Variants in MPPED2 observed in about 807,000 individuals in gnomAD.
MPPED2 encodes metallophosphoesterase domain containing 2.
In MPPED2, 5 loss-of-function variants were observed where a neutral mutation model predicts 33.0. The ratio of observed to expected loss-of-function variants is 0.15; its 90% CI spans 0.08 to 0.32. MPPED2 has a LOEUF of 0.32. Among genes scored for constraint, MPPED2 ranks in the 10% least tolerant of loss-of-function variants. MPPED2 has a pLI of 1.00. For missense variants in MPPED2, 275 were observed against 372.1 expected (o/e 0.74, Z 2.15); for synonymous variants, 136 against 141.9 (o/e 0.96, Z 0.29).
At chr11:30,452,018 CT>C in intron 4 of MPPED2, 6 of 985,438 alleles carry the variant, frequency 6.1e-6, no homozygotes, top group Non-Finnish European at 7.2e-6. Flanking sequence ...TTTCCTGCCT[CT>C]TCTCATTTTG....
intron 3 of MPPED2, among the ~76,000 whole-genome samples, chr11:30,525,727 C>T (rs2134408232): frequency 6.6e-6 from 1 of 152,230 alleles, no homozygotes; most frequent in East Asian, 1.9e-4. Context: ...ATACTATCTG[C>T]CCATATCAAC....
At chr11:30,424,363 G>A (rs1948740419) in intron 4 of MPPED2, among the ~76,000 whole-genome samples, 2 of 152,168 alleles carry the variant, frequency 1.3e-5, no homozygotes, top group African/African-American at 4.8e-5. Context: ...CTAAATGGTA[G>A]CCCTTCTGAA....
At chr11:30,478,781 C>T (rs1371494311) in intron 4 of MPPED2, among the ~76,000 whole-genome samples, 1 of 152,110 alleles carries the variant, frequency 6.6e-6, no homozygotes, top group Non-Finnish European at 1.5e-5. Context: ...TTAGGCATGT[C>T]TTAGACACGT....
chr11:30,491,615 G>T (rs747873375), intron 4 of MPPED2, among the ~76,000 whole-genome samples: 5 of 152,178 alleles, frequency 3.3e-5, no homozygotes, highest in African/African-American at 7.2e-5. Flanking sequence ...AAACCGTAAT[G>T]TTTTCTCCCA....
intron 2 of MPPED2, among the ~76,000 whole-genome samples, chr11:30,555,484 G>A (rs934015441): frequency 3.9e-5 from 6 of 152,058 alleles, no homozygotes; most frequent in African/African-American, 1.2e-4. Flanking sequence ...ATCTTTAATC[G>A]TAGCTCCCAT....
chr11:30,563,001 A>G (rs886464082), intron 2 of MPPED2, among the ~76,000 whole-genome samples: 1 of 152,164 alleles, frequency 6.6e-6, no homozygotes, highest in African/African-American at 2.4e-5. Flanking sequence ...TAATTTGTTC[A>G]TCAATAATTA....
chr11:30,500,057 A>G (rs1037307757), intron 3 of MPPED2, among the ~76,000 whole-genome samples: 1 of 152,138 alleles, frequency 6.6e-6, no homozygotes, highest in African/African-American at 2.4e-5. Context: ...GGGCCACTAT[A>G]TTAATAGATT....
intron 4 of MPPED2, among the ~76,000 whole-genome samples, chr11:30,494,131 G>C (rs1022105158): frequency 6.6e-6 from 1 of 152,190 alleles, no homozygotes; most frequent in African/African-American, 2.4e-5. Flanking sequence ...CAGAGTCTCT[G>C]GAGGAAGGGC....
chr11:30,461,306 C>T (rs774451002), intron 4 of MPPED2, among the ~76,000 whole-genome samples: 3 of 151,996 alleles, frequency 2.0e-5, no homozygotes, highest in Non-Finnish European at 2.9e-5. Context: ...GATGGTTGCA[C>T]AACAATGTGA....
chr11:30,510,817 C>T (rs566692464), intron 3 of MPPED2, among the ~76,000 whole-genome samples: 21 of 152,302 alleles, frequency 1.4e-4, no homozygotes, highest in African/African-American at 4.6e-4. Flanking sequence ...TAACTTAATT[C>T]TCCAAAACTG....
chr11:30,502,526 T>C (rs915111184), intron 3 of MPPED2, among the ~76,000 whole-genome samples: 1 of 152,196 alleles, frequency 6.6e-6, no homozygotes, highest in Non-Finnish European at 1.5e-5. Flanking sequence ...CAATTTCTTA[T>C]CTACAGGCTC....
At chr11:30,529,533 G>A (rs1434569763) in intron 3 of MPPED2, among the ~76,000 whole-genome samples, 1 of 152,092 alleles carries the variant, frequency 6.6e-6, no homozygotes, top group African/African-American at 2.4e-5. Context: ...TTGTGTGTGT[G>A]TGTGTGTGTG....
chr11:30,459,467 A>C (rs1188768612), intron 4 of MPPED2, among the ~76,000 whole-genome samples: 1 of 152,178 alleles, frequency 6.6e-6, no homozygotes, highest in Admixed American at 6.5e-5. Flanking sequence ...AACCTAAACT[A>C]TGGCTTTTGA....
intron 4 of MPPED2, among the ~76,000 whole-genome samples, chr11:30,420,650 T>A (rs1206333819): frequency 6.6e-6 from 1 of 152,160 alleles, no homozygotes; most frequent in Non-Finnish European, 1.5e-5. Flanking sequence ...GCAGTGCTTT[T>A]AGAGAGGAGA....
At chr11:30,436,345 C>T (rs772980352) in intron 4 of MPPED2, among the ~76,000 whole-genome samples, 7 of 152,118 alleles carry the variant, frequency 4.6e-5, no homozygotes, top group Non-Finnish European at 1.0e-4. Context: ...GAAGCCACTC[C>T]AAGGTTCTGT....
intron 4 of MPPED2, among the ~76,000 whole-genome samples, chr11:30,418,089 TC>T (rs1426295414): frequency 2.0e-5 from 3 of 152,152 alleles, no homozygotes; most frequent in Non-Finnish European, 2.9e-5. Flanking sequence ...AGAAAGATTC[TC>T]ACTAAAGTCC....
At position 30,531,708 on chromosome 11, in the gene MPPED2, A is replaced by C. The variant is rs117398209; in HGVS notation, c.310+4286T>G. Among the ~76,000 whole-genome samples, 3 of 152,034 alleles carry C rather than the reference A, an allele frequency of 2.0e-5. No homozygotes were observed. The South Asian group carries it at 6.2e-4, about 32-fold the overall frequency. On this transcript the variant is annotated intron_variant, in intron 3 of 6. Coordinates refer to ENST00000358117, the MANE Select transcript of MPPED2 (RefSeq NM_001584.3). ...CTTTACGGGTATTTGCTTTGTTGTA[A>C]CTCACCAAAGTTGTCTACACCAAAT...
At chr11:30,390,515 C>T (rs1947758862) in intron 6 of MPPED2, among the ~76,000 whole-genome samples, 1 of 152,130 alleles carries the variant, frequency 6.6e-6, no homozygotes, top group African/African-American at 2.4e-5. Flanking sequence ...GTAATGGAGG[C>T]CGGAGTCTGG....
At chr11:30,440,299 C>T (rs1199167680) in intron 4 of MPPED2, among the ~76,000 whole-genome samples, 1 of 150,466 alleles carries the variant, frequency 6.6e-6, no homozygotes, top group Non-Finnish European at 1.5e-5. Context: ...CACTGCACTC[C>T]AGCCTGGGTG....
Sources: allele counts gnomAD v4.1 joint callset (sites outside exome capture counted in the v4.1 genomes callset), GRCh38; gene constraint gnomAD v4.1.1; transcripts MANE v1.5; gene names NCBI Gene and HGNC (gene_info 2026-07-23, HGNC 2026-07-21).